The following CCDC3 variants were observed in gnomAD, a reference collection of about 807,000 sequenced individuals.
CCDC3 encodes the protein coiled-coil domain containing 3, also known as coiled-coil domain-containing protein 3.
CCDC3 carries 24 observed loss-of-function variants against 21.4 expected under a neutral mutation model. That is an observed-to-expected ratio of 1.12 (90% CI 0.81 to 1.58). CCDC3 has a LOEUF of 1.58. Ranked by LOEUF, CCDC3 falls within the 40% of genes most tolerant of loss-of-function variation. The pLI, the probability that CCDC3 is intolerant of heterozygous loss-of-function variation, is 0.00. For synonymous variants in CCDC3, 186 were observed against 166.0 expected, an observed-to-expected ratio of 1.12 and a Z score of -0.93; for missense variants, 425 against 360.9, an observed-to-expected ratio of 1.18 and a Z score of -1.44.
intron 1 of CCDC3, among the ~76,000 whole-genome samples, chr10:13,000,368 A>G (rs1428325478): frequency 1.3e-5 from 2 of 152,148 alleles, no homozygotes; most frequent in East Asian, 3.9e-4. Flanking sequence ...AATTGACTGA[A>G]TTCTTAGGCA....
At chr10:13,091,259 A>G (rs549917988) in intron 3 of CCDC3, among the ~76,000 whole-genome samples, 3 of 152,292 alleles carry the variant, frequency 2.0e-5, no homozygotes, top group East Asian at 1.9e-4. Flanking sequence ...GCATCCTTCA[A>G]TCTGATCAAG....
chr10:13,054,947 G>A lies in CCDC3; in HGVS notation c.-269-5006C>T, dbSNP rs542188413. ...CTCCTAAAGTGCTGGGATTACAGGCGTGAGCCACTGCACCCAGCCAAGGAG... is the reference window on the plus strand; with the variant it reads ...CTCCTAAAGTGCTGGGATTACAGGCATGAGCCACTGCACCCAGCCAAGGAG... On this transcript the variant is annotated intron_variant, in intron 4 of 6. Transcript: ENST00000378839. 1.6e-3 allele frequency among the ~76,000 whole-genome samples: 246 copies of A among 152,286 alleles called. 1 individual carries two copies. The highest frequency in any genetic ancestry group is 2.7e-3 in the Non-Finnish European group (186 of 68,020).
intron 4 of CCDC3, among the ~76,000 whole-genome samples, chr10:13,057,416 C>A (rs955287499): frequency 6.6e-6 from 1 of 152,122 alleles, no homozygotes; most frequent in East Asian, 1.9e-4. Flanking sequence ...GCAAGTGAAG[C>A]CACATAAACA....
At chr10:12,929,325 C>T (rs1834603225) in intron 2 of CCDC3, among the ~76,000 whole-genome samples, 1 of 151,146 alleles carries the variant, frequency 6.6e-6, no homozygotes, top group East Asian at 1.9e-4. Flanking sequence ...TATTTTTGTG[C>T]CCTGTCATGT....
chr10:12,933,337 G>T (rs143138354), intron 2 of CCDC3, among the ~76,000 whole-genome samples: 294 of 152,128 alleles, frequency 1.9e-3, no homozygotes, highest in African/African-American at 6.2e-3. Flanking sequence ...TAGATTATAG[G>T]TCTATTCAGA....
chr10:12,977,349 T>A lies in CCDC3; in HGVS notation c.549+20989A>T, dbSNP rs138164244. ...GAAAAAGAAAAGAAAGAAAAGAAAG[T>A]GTCGTGTCTTTAAGAGAGTAAGCAG... On this transcript the variant is annotated intron_variant, in intron 2 of 2. Transcript: ENST00000378825. 2.6e-5 allele frequency among the ~76,000 whole-genome samples: 4 copies of A among 151,580 alleles called. No individual in the cohort carries two copies. In the East Asian group the frequency reaches 7.7e-4, roughly 29 times the overall value.
Position 13,058,379 on chromosome 10 carries a change from C to A in CCDC3, c.-269-8438G>T, listed in dbSNP as rs549620549. 122 of 963,792 alleles carry A rather than the reference C, an allele frequency of 1.3e-4. 1 individual carries two copies. In the East Asian group the frequency reaches 2.8e-3, roughly 22 times the overall value. The allele number at this position is 963,792 out of a possible 1,614,324, so 59.7% of individuals were successfully genotyped here. A position where few individuals can be genotyped will look rare whatever the true frequency, so the allele number is the denominator to read the frequency against. On this transcript the variant is annotated intron_variant, in intron 4 of 6. Transcript: ENST00000378839. ...CCTGTGGGTCAGCAGCAGTCCAGGA[C>A]AATACGCTGCAGCGTAATTTGTCAG... is the stretch of plus-strand genomic sequence containing the variant.
intron 1 of CCDC3, among the ~76,000 whole-genome samples, chr10:12,999,155 A>C (rs1835809394): frequency 6.6e-6 from 1 of 152,146 alleles, no homozygotes; most frequent in South Asian, 2.1e-4. Context: ...CAGGAGAATC[A>C]CTTGAACCTA....
intron 3 of CCDC3, among the ~76,000 whole-genome samples, chr10:13,093,221 T>A (rs1269870620): frequency 2.6e-5 from 4 of 151,966 alleles, no homozygotes; most frequent in Admixed American, 6.6e-5. Flanking sequence ...GGCCTCACAA[T>A]CATAGCGGAA....
At chr10:13,018,308 A>G (rs1836096015) in intron 5 of CCDC3, among the ~76,000 whole-genome samples, 1 of 152,034 alleles carries the variant, frequency 6.6e-6, no homozygotes, top group Admixed American at 6.5e-5. Flanking sequence ...GCTGAAGGGA[A>G]GACTCACAGC....
At chr10:13,093,256 G>A (rs61672764) in intron 3 of CCDC3, among the ~76,000 whole-genome samples, 13,335 of 152,118 alleles carry the variant, frequency 0.088, 847 homozygotes, top group African/African-American at 0.17. Flanking sequence ...CTTACATGGC[G>A]GCAGGCAAGA....
chr10:13,079,019 A>T (rs1202257749), intron 3 of CCDC3, among the ~76,000 whole-genome samples: 1 of 151,872 alleles, frequency 6.6e-6, no homozygotes, highest in Non-Finnish European at 1.5e-5. Flanking sequence ...ATAATAATTA[A>T]AAAAAAATTG....
chr10:13,080,032 G>A (rs192483677), intron 3 of CCDC3, among the ~76,000 whole-genome samples: 2 of 152,308 alleles, frequency 1.3e-5, no homozygotes, highest in East Asian at 3.9e-4. Flanking sequence ...AAGGAGGGAA[G>A]ACAAGGGGGC....
intron 2 of CCDC3, among the ~76,000 whole-genome samples, chr10:12,932,173 G>T (rs1834656674): frequency 6.6e-6 from 1 of 152,098 alleles, no homozygotes; most frequent in Non-Finnish European, 1.5e-5. Context: ...ATTCTGGGGA[G>T]GTGCCTAGTA....
intron 2 of CCDC3, among the ~76,000 whole-genome samples, chr10:12,928,528 G>C (rs1311644981): frequency 1.3e-5 from 2 of 152,198 alleles, no homozygotes; most frequent in Non-Finnish European, 2.9e-5. Context: ...TGGCAGGGCT[G>C]CACTTAGCCT....
intron 2 of CCDC3, among the ~76,000 whole-genome samples, chr10:12,943,275 C>G (rs1369295650): frequency 6.9e-6 from 1 of 144,834 alleles, no homozygotes; most frequent in East Asian, 1.9e-4. Flanking sequence ...ATTCTAAGCA[C>G]CCCCCCGCAA....
rs1564314854 is a variant in CCDC3 at position 12,998,522 on chromosome 10, G to A, written c.375-10C>T. On this transcript the variant is annotated splice_polypyrimidine_tract_variant and intron_variant, in intron 1 of 2. Coordinates refer to ENST00000378825, the MANE Select transcript of CCDC3 (RefSeq NM_031455.4). ...ATAATTTTCATCCATCCTAATGGAG[G>A]AAAAAAAGGCAGACATGTAGGCTAG... 1.9e-6 allele frequency: 3 copies of A among 1,608,222 alleles called. No homozygotes were observed. Among genetic ancestry groups the A allele is most frequent in the East Asian group, 2.2e-5 (1 of 44,856 alleles).
At chr10:13,023,326 T>C (rs1471687375) in intron 5 of CCDC3, among the ~76,000 whole-genome samples, 1 of 151,210 alleles carries the variant, frequency 6.6e-6, no homozygotes, top group East Asian at 1.9e-4. Flanking sequence ...ACTTGTAGTC[T>C]GGATGCTGGA....
upstream of CCDC3, among the ~76,000 whole-genome samples, chr10:13,004,580 A>G (rs1835904147): frequency 9.1e-6 from 1 of 109,782 alleles, no homozygotes; most frequent in African/African-American, 3.6e-5. Context: ...CCACCCCAAG[A>G]TGGAAAAGGT....
Sources: allele counts gnomAD v4.1 joint callset (sites outside exome capture counted in the v4.1 genomes callset), GRCh38; gene constraint gnomAD v4.1.1; transcripts MANE v1.5; gene names NCBI Gene and HGNC (gene_info 2026-07-23, HGNC 2026-07-21).